Variants in FAM120A observed in about 807,000 individuals in gnomAD.
FAM120A encodes the protein constitutive coactivator of PPAR-gamma-like protein 1.
Under a neutral mutation model 109.7 loss-of-function variants are expected in FAM120A, and 15 were observed. That is an observed-to-expected ratio of 0.14 (90% CI 0.09 to 0.21). FAM120A has a LOEUF of 0.21. FAM120A is among the 10% of genes least tolerant of loss of function. The pLI, the probability that FAM120A is intolerant of heterozygous loss-of-function variation, is 1.00. For synonymous variants in FAM120A, 493 were observed against 572.8 expected, an observed-to-expected ratio of 0.86 and a Z score of 1.99; for missense variants, 899 against 1,439.3, an observed-to-expected ratio of 0.62 and a Z score of 6.07.
intron 12 of FAM120A, among the ~76,000 whole-genome samples, chr9:93,553,840 T>G (rs185747949): frequency 7.2e-5 from 11 of 152,204 alleles, no homozygotes; most frequent in Admixed American, 7.2e-4. Flanking sequence ...AAGCAGTGCT[T>G]GATATATATT....
rs1411008492 is a variant in FAM120A at position 93,529,597 on chromosome 9, C to G, written c.1734+17C>G. Reference sequence around the variant, plus strand: ...CTGACGAAGGTATTATCAAAGGGGCCCTGGAGTGGCTTCTGTTATTTGATG... The same window carrying G: ...CTGACGAAGGTATTATCAAAGGGGCGCTGGAGTGGCTTCTGTTATTTGATG... On this transcript the variant is annotated intron_variant, in intron 9 of 17. Transcript: ENST00000277165. The G allele has an allele frequency of 6.2e-7, 1 of 1,609,548 alleles. No homozygotes were observed. The highest frequency in any genetic ancestry group is 2.2e-5 in the East Asian group (1 of 44,860).
intron 11 of FAM120A, among the ~76,000 whole-genome samples, chr9:93,544,073 C>CTT (rs1861800008): frequency 1.3e-5 from 2 of 152,130 alleles, no homozygotes; most frequent in Non-Finnish European, 1.5e-5. Context: ...TGGCACATGC[C>CTT]GTATTTGTAT....
At chr9:93,470,691 T>C (rs1414511414) in intron 1 of FAM120A, among the ~76,000 whole-genome samples, 1 of 152,188 alleles carries the variant, frequency 6.6e-6, no homozygotes, top group Admixed American at 6.5e-5. Context: ...TTCTGATGAT[T>C]TCACCTGACA....
At chr9:93,545,121 C>T (rs1408161589) in intron 11 of FAM120A, among the ~76,000 whole-genome samples, 1 of 152,132 alleles carries the variant, frequency 6.6e-6, no homozygotes. Context: ...GTTCTGCTTG[C>T]CCCTGTGTCT....
chr9:93,519,582 C>T (rs1454825099), intron 7 of FAM120A, among the ~76,000 whole-genome samples: 3 of 152,056 alleles, frequency 2.0e-5, no homozygotes, highest in South Asian at 2.1e-4. Flanking sequence ...ATAGCGGAGG[C>T]GATTGGCCTT....
At chr9:93,541,313 G>A (rs1450274113) in intron 10 of FAM120A, among the ~76,000 whole-genome samples, 1 of 152,076 alleles carries the variant, frequency 6.6e-6, no homozygotes, top group African/African-American at 2.4e-5. Flanking sequence ...AGGCAGGTCG[G>A]CTCACAGGAA....
chr9:93,463,223 G>T (rs925562905), intron 1 of FAM120A, among the ~76,000 whole-genome samples: 1 of 152,200 alleles, frequency 6.6e-6, no homozygotes, highest in African/African-American at 2.4e-5. Flanking sequence ...CCTAATGGGT[G>T]TGAGGTATTC....
chr9:93,562,390 A>T (rs531657110), intron 17 of FAM120A, 86 bp downstream of exon 17: 1 of 964,050 alleles, frequency 1.0e-6, no homozygotes, highest in African/African-American at 1.6e-5. Flanking sequence ...ACCTGCGCTC[A>T]GACAGAAGAG....
chr9:93,452,472 G>A lies in FAM120A; in HGVS notation c.474+83G>A, dbSNP rs2131165930. 1.3e-6 allele frequency: 2 copies of A among 1,543,940 alleles called. No individual in the cohort carries two copies. Among genetic ancestry groups the A allele is most frequent in the Middle Eastern group, 2.1e-4 (1 of 4,792 alleles). The stretch of plus-strand genomic sequence containing the variant: ...CTTCCCAGGGCGCAGAATGTCGCCC[G>A]GCCGTGGCGGCGCTGGGGGCAGCGA... On this transcript the variant is annotated intron_variant, in intron 1 of 17. Transcript: ENST00000277165. This position sits in a 1 kb window ranked among gnomAD's most constrained non-coding sequence, Gnocchi z 7.0.
At chr9:93,533,509 G>A (rs1373950416) in intron 10 of FAM120A, among the ~76,000 whole-genome samples, 1 of 152,148 alleles carries the variant, frequency 6.6e-6, no homozygotes, top group East Asian at 1.9e-4. Context: ...GATACCATGT[G>A]GAACAATGAA....
intron 15 of FAM120A, among the ~76,000 whole-genome samples, chr9:93,559,363 G>A (rs1862398929): frequency 6.6e-6 from 1 of 152,326 alleles, no homozygotes; most frequent in Non-Finnish European, 1.5e-5. Context: ...ATCTAAATCT[G>A]CCCATCAAGT....
chr9:93,561,290 A>G (rs775844752), intron 16 of FAM120A, 40 bp downstream of exon 16: 1 of 1,555,472 alleles, frequency 6.4e-7, no homozygotes, highest in South Asian at 1.2e-5. Flanking sequence ...GTATAAGTAA[A>G]GAAAACAGCT....
chr9:93,467,851 A>G (rs1033381149), intron 1 of FAM120A, among the ~76,000 whole-genome samples: 4 of 151,728 alleles, frequency 2.6e-5, no homozygotes, highest in Non-Finnish European at 5.9e-5. Context: ...GAAAAGCCCC[A>G]CATGCCACCT....
intron 12 of FAM120A, among the ~76,000 whole-genome samples, chr9:93,553,106 TA>T (rs1329515048): frequency 2.0e-5 from 3 of 152,238 alleles, no homozygotes; most frequent in Non-Finnish European, 4.4e-5. Context: ...TGTGGCTCCT[TA>T]AATACCTGTG....
chr9:93,480,018 TTA>T (rs1286979688), intron 3 of FAM120A, among the ~76,000 whole-genome samples: 1 of 152,164 alleles, frequency 6.6e-6, no homozygotes, highest in Non-Finnish European at 1.5e-5. Context: ...TCCTGCCTTA[TTA>T]GTTAGTAGTA....
intron 1 of FAM120A, among the ~76,000 whole-genome samples, chr9:93,456,809 G>C (rs982295879): frequency 2.0e-5 from 3 of 152,128 alleles, no homozygotes; most frequent in Admixed American, 6.5e-5. Context: ...CTTCAGCTAT[G>C]TTTTCTAGTT....
At chr9:93,551,308 T>C (rs1279634942) in intron 12 of FAM120A, among the ~76,000 whole-genome samples, 12 of 152,232 alleles carry the variant, frequency 7.9e-5, no homozygotes, top group Admixed American at 7.9e-4. Flanking sequence ...TTTCTCCAAG[T>C]TGTCACCTAA....
chr9:93,512,093 GTTT>G (rs1357184822), intron 5 of FAM120A, among the ~76,000 whole-genome samples: 1 of 152,174 alleles, frequency 6.6e-6, no homozygotes. Flanking sequence ...AACCAGGCCA[GTTT>G]TTTGTTTTGT....
intron 7 of FAM120A, among the ~76,000 whole-genome samples, chr9:93,526,747 A>C (rs962567930): frequency 2.6e-5 from 4 of 152,174 alleles, no homozygotes; most frequent in Admixed American, 2.0e-4. Context: ...TTTATAACTT[A>C]TGTGTAGTAT....
Sources: allele counts gnomAD v4.1 joint callset (sites outside exome capture counted in the v4.1 genomes callset), GRCh38; gene constraint gnomAD v4.1.1; non-coding constraint Gnocchi (gnomAD v3.1); transcripts MANE v1.5; gene names NCBI Gene and HGNC (gene_info 2026-07-23, HGNC 2026-07-21).